Variants in EPB41 observed in about 807,000 individuals in gnomAD.
The protein encoded by EPB41 is protein 4.1.
Under a neutral mutation model 108.0 loss-of-function variants are expected in EPB41, and 65 were observed. That is an observed-to-expected ratio of 0.60 (90% CI 0.49 to 0.74). The LOEUF is 0.74. Ranked by LOEUF, EPB41 falls within the 30% of genes least tolerant of loss-of-function variation. The pLI is 0.00. For synonymous variants in EPB41, 336 were observed against 358.9 expected, an observed-to-expected ratio of 0.94 and a Z score of 0.72; for missense variants, 875 against 1,037.0, an observed-to-expected ratio of 0.84 and a Z score of 2.15.
intron 10 of EPB41, among the ~76,000 whole-genome samples, chr1:29,036,328 C>T (rs1394806233): frequency 1.4e-5 from 2 of 145,292 alleles, no homozygotes; most frequent in East Asian, 2.1e-4. Context: ...GGCGCGATCT[C>T]GGCTCACTGC....
Position 28,967,957 on chromosome 1 carries a change from G to A in EPB41, c.-7-19474G>A, listed in dbSNP as rs141091552. Reference sequence around the variant, plus strand: ...ATAGCTGGGATTACAGGCATGCACCGCCACGCCTGGCAAATTTTTGTATTT... The same window carrying A: ...ATAGCTGGGATTACAGGCATGCACCACCACGCCTGGCAAATTTTTGTATTT... On this transcript the variant is annotated intron_variant, in intron 1 of 20. Coordinates refer to ENST00000343067, the MANE Select transcript of EPB41 (RefSeq NM_001376013.1). 1.4e-3 allele frequency among the ~76,000 whole-genome samples: 217 copies of A among 151,952 alleles called. 1 individual carries two copies. The highest frequency in any genetic ancestry group is 5.1e-3 in the African/African-American group (210 of 41,440).
At chr1:29,109,550 A>C (rs1199399260) in intron 18 of EPB41, 113 bp downstream of exon 18, 9 of 838,756 alleles carry the variant, frequency 1.1e-5, no homozygotes, top group Non-Finnish European at 1.8e-5. Flanking sequence ...CTCCATCCCT[A>C]GTAAGCCACA....
intron 1 of EPB41, among the ~76,000 whole-genome samples, chr1:28,967,013 CT>C (rs71586876): frequency 8.3e-4 from 71 of 85,382 alleles, no homozygotes; most frequent in East Asian, 3.7e-3. Context: ...ATATGAGAAC[CT>C]TTTTTTTTTT....
Position 29,053,311 on chromosome 1 carries a change from A to T in EPB41, c.1844A>T (p.Lys615Met), listed in dbSNP as rs543782766. 1 of 1,614,236 alleles carries T rather than the reference A, an allele frequency of 6.2e-7. No homozygotes were observed. Among genetic ancestry groups the T allele is most frequent in the African/African-American group, 1.3e-5 (1 of 75,060 alleles). ...QAEPEPTEAW[K>M]VEKTHIEVTV... ...GAGCCAGAGCCCACAGAAGCATGGAAGGTATGTCATCAGTCCAAATACCTA... is the reference window on the plus strand; with the variant it reads ...GAGCCAGAGCCCACAGAAGCATGGATGGTATGTCATCAGTCCAAATACCTA... The change falls in exon 12 of 21, where the codon AAG (lysine) becomes ATG (methionine). Residue 615 changes from lysine to methionine, a missense_variant and splice_region_variant. By Grantham distance (95) the Lys-to-Met change is moderately conservative. Around this residue, in one of 3 missense-constraint regions of EPB41, gnomAD observed 519 missense variants for 627.3 expected, o/e 0.83. Transcript: ENST00000343067.
chr1:29,036,707 C>T (rs1298267161), intron 10 of EPB41, among the ~76,000 whole-genome samples: 5 of 143,800 alleles, frequency 3.5e-5, no homozygotes, highest in African/African-American at 5.2e-5. Context: ...GACAGAGTCT[C>T]GCTCTGTCGC....
intron 17 of EPB41, among the ~76,000 whole-genome samples, chr1:29,099,550 T>C (rs1664537258): frequency 6.6e-6 from 1 of 152,158 alleles, no homozygotes; most frequent in Admixed American, 6.6e-5. Context: ...ATTCCTGGGC[T>C]CAGAGGATCC....
In EPB41 at chr1:28,923,917, G is replaced by T. The variant is rs1570664067; in HGVS notation, c.-8+9149G>T. ...CTCCCTCCTGGTATGCATACCCTTA[G>T]TGTAATTTCCTCCCCTTGAGTGGGG... On this transcript the variant is annotated intron_variant, in intron 1 of 20. Coordinates refer to ENST00000343067, the MANE Select transcript of EPB41 (RefSeq NM_001376013.1). Among the ~76,000 whole-genome samples the T allele has an allele frequency of 3.9e-5, 6 of 152,206 alleles. No homozygotes were observed. The South Asian group carries it at 1.2e-3, about 32-fold the overall frequency.
rs1574162629 is a variant in EPB41 at position 29,119,929 on chromosome 1, TAATC to T, written c.*3120_*3123del. On this transcript the variant is annotated 3_prime_UTR_variant, in exon 21 of 21. Coordinates refer to ENST00000343067, the MANE Select transcript of EPB41 (RefSeq NM_001376013.1). ...CAGAATCTTTAGACTACACAGGCAA[TAATC>T]AAGTCTGCTGTTTTGGCCTTTCGTA... The T allele has an allele frequency of 6.6e-6, 1 of 152,660 alleles. No individual in the cohort carries two copies. The highest frequency in any genetic ancestry group is 1.5e-5 in the Non-Finnish European group (1 of 68,038). 9.5% of individuals were successfully genotyped at this position (152,660 alleles called of 1,614,324 possible).
In EPB41 at chr1:29,015,839, C is replaced by T. The variant is rs1034186447; in HGVS notation, c.905+72C>T. ...TATGATGAGACAGTAATTCTTACCA[C>T]CATAAGCTCTGCTAATTCCGTATTC... On this transcript the variant is annotated intron_variant, in intron 6 of 20. Coordinates refer to ENST00000343067, the MANE Select transcript of EPB41 (RefSeq NM_001376013.1). The T allele has an allele frequency of 7.8e-5, 78 of 1,001,984 alleles. 1 individual carries two copies. The highest frequency in any genetic ancestry group is 1.1e-4 in the Non-Finnish European group (73 of 641,288). 62.1% of individuals were successfully genotyped at this position (1,001,984 alleles called of 1,614,324 possible). A position where few individuals can be genotyped will look rare whatever the true frequency, so the allele number is the denominator to read the frequency against.
chr1:28,968,890 G>A (rs1056146562), intron 1 of EPB41, among the ~76,000 whole-genome samples: 3 of 151,584 alleles, frequency 2.0e-5, no homozygotes, highest in Non-Finnish European at 4.4e-5. Context: ...ACTTGAACCT[G>A]GGAGGCAGAA....
chr1:28,910,291 C>A (rs2092167654), upstream of EPB41, among the ~76,000 whole-genome samples: 1 of 152,156 alleles, frequency 6.6e-6, no homozygotes, highest in African/African-American at 2.4e-5. Context: ...CCCATTATAG[C>A]CTGTTTGATT....
At chr1:29,021,455 A>G (rs1043870168) in intron 7 of EPB41, among the ~76,000 whole-genome samples, 1 of 152,158 alleles carries the variant, frequency 6.6e-6, no homozygotes, top group Non-Finnish European at 1.5e-5. Flanking sequence ...ATACATTTCT[A>G]TTTAATATTC....
intron 15 of EPB41, among the ~76,000 whole-genome samples, chr1:29,064,427 G>T (rs554831956): frequency 6.6e-6 from 1 of 152,236 alleles, no homozygotes; most frequent in East Asian, 1.9e-4. Context: ...TTTTTAAAAA[G>T]CAGAAACAGC....
chr1:29,056,707 G>T (rs1645508451), intron 12 of EPB41, among the ~76,000 whole-genome samples: 1 of 151,970 alleles, frequency 6.6e-6, no homozygotes, highest in Non-Finnish European at 1.5e-5. Flanking sequence ...TGTATTTTTG[G>T]TAGAGACAAG....
rs143506647 is a variant in EPB41 at position 29,018,482 on chromosome 1, C to A, written c.1124+40C>A. The A allele has an allele frequency of 2.9e-5, 43 of 1,501,590 alleles. No individual in the cohort carries two copies. The highest frequency in any genetic ancestry group is 2.7e-6 in the Non-Finnish European group (3 of 1,128,428). The allele number at this position is 1,501,590 out of a possible 1,614,324, so 93.0% of individuals were successfully genotyped here. A position where few individuals can be genotyped will look rare whatever the true frequency, so the allele number is the denominator to read the frequency against. ...AGGGTTTGTTCGGTGTTTGTTTTGG[C>A]GATTAGTTTAAACACAACATGGTAT... is the stretch of plus-strand genomic sequence containing the variant. On this transcript the variant is annotated intron_variant, in intron 7 of 20. Coordinates refer to ENST00000343067, the MANE Select transcript of EPB41 (RefSeq NM_001376013.1). The surrounding 1 kb of genome is among the most constrained non-coding windows in gnomAD (Gnocchi z 4.4).
rs1414818726 is a variant in EPB41, at chr1:29,036,070, C to A, written c.1463+147C>A. 3.4e-5 allele frequency: 22 copies of A among 653,742 alleles called. No individual in the cohort carries two copies. In the Middle Eastern group the frequency reaches 3.3e-3, roughly 98 times the overall value. The allele number at this position is 653,742 out of a possible 1,614,324, so 40.5% of individuals were successfully genotyped here. On this transcript the variant is annotated intron_variant, in intron 10 of 20. Coordinates refer to ENST00000343067, the MANE Select transcript of EPB41 (RefSeq NM_001376013.1). Reference sequence around the variant, plus strand: ...CATCTTAAGCAAGACAAAATGAATCCATTTCTCTCCCTTTGGGTTGAAAAG... The same window carrying A: ...CATCTTAAGCAAGACAAAATGAATCAATTTCTCTCCCTTTGGGTTGAAAAG...
intron 1 of EPB41, among the ~76,000 whole-genome samples, chr1:28,900,996 C>T (rs1377035126): frequency 1.3e-5 from 2 of 152,108 alleles, no homozygotes; most frequent in East Asian, 3.9e-4. Flanking sequence ...GTGGCGAGAT[C>T]TCAGCTCACT....
chr1:29,008,158 T>G (rs2096439569), intron 4 of EPB41, among the ~76,000 whole-genome samples: 1 of 152,228 alleles, frequency 6.6e-6, no homozygotes, highest in Non-Finnish European at 1.5e-5. Flanking sequence ...ATCCACCCAG[T>G]TGCCCAAGCC....
At chr1:28,981,792 T>C (rs2095753082) in intron 1 of EPB41, among the ~76,000 whole-genome samples, 1 of 152,104 alleles carries the variant, frequency 6.6e-6, no homozygotes, top group Non-Finnish European at 1.5e-5. Context: ...TGTGCATGTA[T>C]GTAAAATGCT....
Sources: allele counts gnomAD v4.1 joint callset (sites outside exome capture counted in the v4.1 genomes callset), GRCh38; gene constraint gnomAD v4.1.1; regional missense constraint gnomAD v4.1.1; non-coding constraint Gnocchi (gnomAD v3.1); transcripts MANE v1.5; gene names NCBI Gene and HGNC (gene_info 2026-07-23, HGNC 2026-07-21).